PID1: variants seen among roughly 807,000 people sequenced by gnomAD.
The protein encoded by PID1 is phosphotyrosine interaction domain containing 1.
PID1 carries 10 observed loss-of-function variants against 19.1 expected under a neutral mutation model. The observed-to-expected ratio is 0.52, with a 90% CI of 0.32 to 0.89. The LOEUF (loss-of-function observed/expected upper bound fraction) is 0.89. Among genes scored for constraint, PID1 ranks in the 40% least tolerant of loss-of-function variants. The pLI, the probability that PID1 is intolerant of heterozygous loss-of-function variation, is 0.03. For synonymous variants in PID1, 130 were observed against 116.0 expected (o/e 1.12, Z -0.78); for missense variants, 248 against 285.3 (o/e 0.87, Z 0.94).
chr2:229,184,983 C>CTA (rs66662808), intron 1 of PID1, among the ~76,000 whole-genome samples: 122,564 of 138,780 alleles, frequency 0.88, 54,302 homozygotes, highest in African/African-American at 0.93. Flanking sequence ...TATATATATA[C>CTA]TATATATATC....
chr2:229,093,771 A>C (rs62193183), intron 2 of PID1, among the ~76,000 whole-genome samples: 1 of 151,402 alleles, frequency 6.6e-6, no homozygotes, highest in East Asian at 1.9e-4. Context: ...AAAAAAAAGA[A>C]CCCCTCAACA....
At chr2:229,050,597 T>C (rs189000604) in intron 2 of PID1, among the ~76,000 whole-genome samples, 45 of 152,298 alleles carry the variant, frequency 3.0e-4, no homozygotes, top group African/African-American at 1.1e-3. Context: ...AAGAGTCCCA[T>C]GAAGCTGCGG....
At chr2:229,136,896 G>A (rs960453102) in intron 2 of PID1, among the ~76,000 whole-genome samples, 2 of 152,066 alleles carry the variant, frequency 1.3e-5, no homozygotes, top group Non-Finnish European at 2.9e-5. Flanking sequence ...TACTTACCAC[G>A]TATCTTTATG....
chr2:229,137,303 G>A (rs1182430653), intron 2 of PID1, among the ~76,000 whole-genome samples: 1 of 152,230 alleles, frequency 6.6e-6, no homozygotes, highest in African/African-American at 2.4e-5. Context: ...GTATGAGTAA[G>A]TAGCTTAATT....
intron 2 of PID1, among the ~76,000 whole-genome samples, chr2:229,098,398 T>C (rs1437487770): frequency 6.6e-6 from 1 of 152,218 alleles, no homozygotes; most frequent in Non-Finnish European, 1.5e-5. Context: ...ACAGTTTCTT[T>C]ATGACAGGAC....
At chr2:229,060,083 A>G (rs1243701402) in intron 2 of PID1, among the ~76,000 whole-genome samples, 1 of 152,182 alleles carries the variant, frequency 6.6e-6, no homozygotes, top group Non-Finnish European at 1.5e-5. Context: ...GATGAAATCA[A>G]GCTTATTCAC....
At chr2:229,181,502 T>TA (rs1369771643) in intron 1 of PID1, among the ~76,000 whole-genome samples, 1 of 152,168 alleles carries the variant, frequency 6.6e-6, no homozygotes, top group African/African-American at 2.4e-5. Context: ...CATCAGCAAA[T>TA]ATCTTTTGAA....
chr2:229,047,497 G>GT (rs1574583244), intron 2 of PID1, among the ~76,000 whole-genome samples: 1 of 152,072 alleles, frequency 6.6e-6, no homozygotes, highest in Non-Finnish European at 1.5e-5. Flanking sequence ...GTTAAAGAGA[G>GT]TTTTATGTCA....
At chr2:229,242,970 C>T in intron 1 of PID1, among the ~76,000 whole-genome samples, 1 of 152,096 alleles carries the variant, frequency 6.6e-6, no homozygotes, top group Non-Finnish European at 1.5e-5. Flanking sequence ...ATCTTCTCTA[C>T]CTACCAAATG....
chr2:229,243,720 G>T (rs1270610586), intron 1 of PID1, among the ~76,000 whole-genome samples: 1 of 151,998 alleles, frequency 6.6e-6, no homozygotes, highest in Non-Finnish European at 1.5e-5. Context: ...CCACCCAAGG[G>T]AACTAATCAA....
chr2:229,159,778 A>G (rs10189448), intron 1 of PID1, among the ~76,000 whole-genome samples: 10 of 152,066 alleles, frequency 6.6e-5, no homozygotes, highest in Non-Finnish European at 1.3e-4. Flanking sequence ...ACTTGAATTT[A>G]AAAAAGAAAA....
At position 229,236,763 on chromosome 2, in the gene PID1, G is replaced by C. The variant is rs548898223; in HGVS notation, c.30+34251C>G. ...CAGGAGGGTGATGTGGAAGACGATG[G>C]GTTACAGAAGACAGATAAAGCCACA... On this transcript the variant is annotated intron_variant, in intron 1 of 2. Transcript: ENST00000392055. Among the ~76,000 whole-genome samples the C allele has an allele frequency of 7.2e-5, 11 of 152,130 alleles. No individual in the cohort carries two copies. The East Asian group carries it at 1.9e-3, about 27-fold the overall frequency.
intron 2 of PID1, among the ~76,000 whole-genome samples, chr2:229,107,192 C>T (rs148411197): frequency 1.5e-3 from 229 of 152,216 alleles, no homozygotes; most frequent in African/African-American, 5.3e-3. Context: ...AAAATGGCCA[C>T]GTGACCCTGC....
At chr2:229,246,632 C>T (rs1038523804) in intron 1 of PID1, among the ~76,000 whole-genome samples, 1 of 152,154 alleles carries the variant, frequency 6.6e-6, no homozygotes, top group Non-Finnish European at 1.5e-5. Flanking sequence ...CAAATAAAAA[C>T]ATGAGTGGAT....
At position 229,071,107 on chromosome 2, in the gene PID1, G is replaced by C. The variant is rs908433348; in HGVS notation, c.178-44999C>G. ...GAATGTTACTTGATACCGACAAAGA[G>C]TAGAATATGATGTTCTTCCAATGTA... On this transcript the variant is annotated intron_variant, in intron 2 of 2. Transcript: ENST00000392055. Among the ~76,000 whole-genome samples the C allele has an allele frequency of 1.8e-4, 27 of 152,108 alleles. 1 individual carries two copies. Among genetic ancestry groups the C allele is most frequent in the Non-Finnish European group, 2.9e-5 (2 of 68,018 alleles).
chr2:229,031,022 C>T (rs1693538730), intron 2 of PID1, among the ~76,000 whole-genome samples: 1 of 151,596 alleles, frequency 6.6e-6, no homozygotes, highest in Non-Finnish European at 1.5e-5. Context: ...TTGAGACCAG[C>T]CTGGCCAATA....
intron 1 of PID1, among the ~76,000 whole-genome samples, chr2:229,242,886 T>C (rs1278657706): frequency 2.0e-5 from 3 of 152,094 alleles, no homozygotes; most frequent in Non-Finnish European, 2.9e-5. Context: ...TTCAGCCTCA[T>C]GTGATGTGCT....
In PID1 at chr2:229,074,200, G is replaced by A. The variant is rs181254681; in HGVS notation, c.178-48092C>T. On this transcript the variant is annotated intron_variant, in intron 2 of 2. Transcript: ENST00000392055. ...TTCAACAAATGCCACAATCTGTTCC[G>A]TTAATGATGTTTAAGATATTTGATT... Among the ~76,000 whole-genome samples the A allele has an allele frequency of 7.9e-5, 12 of 152,204 alleles. No individual in the cohort carries two copies. In the East Asian group the frequency reaches 1.2e-3, roughly 15 times the overall value.
chr2:229,133,302 G>A (rs1689783457), intron 2 of PID1, among the ~76,000 whole-genome samples: 1 of 152,204 alleles, frequency 6.6e-6, no homozygotes, highest in Non-Finnish European at 1.5e-5. Context: ...CCAGGCATAA[G>A]CCTGCATAAA....
Sources: gnomAD v4.1 joint callset for allele counts (sites outside exome capture counted in the v4.1 genomes callset) on GRCh38, gnomAD v4.1.1 for gene constraint, MANE v1.5 for transcripts, NCBI Gene and HGNC (gene_info 2026-07-23, HGNC 2026-07-21) for gene names.